The following PGM2L1 variants were observed in gnomAD, a reference collection of about 807,000 sequenced individuals.
PGM2L1 encodes the protein glucose 1,6-bisphosphate synthase.
Under a neutral mutation model 73.4 loss-of-function variants are expected in PGM2L1, and 35 were observed. The ratio of observed to expected loss-of-function variants is 0.48; its 90% CI spans 0.36 to 0.63. The LOEUF (loss-of-function observed/expected upper bound fraction) is 0.63, where lower values mean the gene tolerates loss of function less well. Among genes scored for constraint, PGM2L1 ranks in the 30% least tolerant of loss-of-function variants. The pLI, the probability that PGM2L1 is intolerant of heterozygous loss-of-function variation, is 0.00. For synonymous variants in PGM2L1, 225 were observed against 253.8 expected, an observed-to-expected ratio of 0.89 and a Z score of 1.08; for missense variants, 570 against 742.0, an observed-to-expected ratio of 0.77 and a Z score of 2.69.
chr11:74,332,826 G>C lies in PGM2L1; in HGVS notation c.*3826C>G, dbSNP rs1352909180. On this transcript the variant is annotated 3_prime_UTR_variant, in exon 14 of 14. Transcript: ENST00000298198. ...TCTTAGAACCTCTCCATCTGCTAAC[G>C]TATCTACATCAAAATAACAACATAT... The C allele has an allele frequency of 1.3e-5, 2 of 152,498 alleles. No individual in the cohort carries two copies. Among genetic ancestry groups the C allele is most frequent in the East Asian group, 3.9e-4 (2 of 5,182 alleles). The allele number at this position is 152,498 out of a possible 1,614,324, so 9.4% of individuals were successfully genotyped here.
intron 1 of PGM2L1, among the ~76,000 whole-genome samples, chr11:74,377,271 C>T (rs1862870030): frequency 6.6e-6 from 1 of 151,872 alleles, no homozygotes. Context: ...AGTAGCTGGA[C>T]TACAGGCGCC....
intron 1 of PGM2L1, among the ~76,000 whole-genome samples, chr11:74,391,896 C>T (rs1206846988): frequency 1.3e-5 from 2 of 152,112 alleles, no homozygotes; most frequent in Admixed American, 6.5e-5. Flanking sequence ...AATAGAATGG[C>T]CAGTTGGAAG....
intron 5 of PGM2L1, among the ~76,000 whole-genome samples, chr11:74,367,784 A>G (rs1862683964): frequency 6.6e-6 from 1 of 152,204 alleles, no homozygotes; most frequent in South Asian, 2.1e-4. Context: ...TATGTCCCAA[A>G]CTGAATTAAT....
chr11:74,360,027 A>G (rs11236071), intron 5 of PGM2L1, among the ~76,000 whole-genome samples: 24,301 of 151,984 alleles, frequency 0.16, 2,168 homozygotes, highest in East Asian at 0.28. Context: ...AACTCATCAT[A>G]AAGAAACTAG....
At chr11:74,345,219 AC>A (rs1862243802) in intron 9 of PGM2L1, among the ~76,000 whole-genome samples, 2 of 152,204 alleles carry the variant, frequency 1.3e-5, no homozygotes, top group African/African-American at 4.8e-5. Flanking sequence ...TATTTGTTGT[AC>A]AGAATAATAA....
chr11:74,388,177 A>T (rs565121710), intron 1 of PGM2L1, among the ~76,000 whole-genome samples: 62 of 152,318 alleles, frequency 4.1e-4, no homozygotes, highest in African/African-American at 1.4e-3. Flanking sequence ...AGAGTTGCTA[A>T]GCAAGAGGCA....
At position 74,381,833 on chromosome 11, in the gene PGM2L1, A is replaced by G. The variant is rs558615837; in HGVS notation, c.112-7251T>C. On this transcript the variant is annotated intron_variant, in intron 1 of 13. Transcript: ENST00000298198. The stretch of plus-strand genomic sequence containing the variant: ...TGAGGAACAAGTTGGGAGTAGAGAG[A>G]TAATGAGTTCAGTATTAGACTTACT... Among the ~76,000 whole-genome samples, 4 of 152,008 alleles carry G rather than the reference A, an allele frequency of 2.6e-5. No individual in the cohort carries two copies. The East Asian group carries it at 5.8e-4, about 22-fold the overall frequency.
At chr11:74,359,457 T>C (rs1199095224) in intron 5 of PGM2L1, among the ~76,000 whole-genome samples, 1 of 151,882 alleles carries the variant, frequency 6.6e-6, no homozygotes, top group African/African-American at 2.4e-5. Context: ...ACATACATAT[T>C]TTTTTCTTAA....
At chr11:74,396,293 A>T (rs1212017261) in intron 1 of PGM2L1, among the ~76,000 whole-genome samples, 1 of 150,188 alleles carries the variant, frequency 6.7e-6, no homozygotes, top group Admixed American at 6.7e-5. Flanking sequence ...ATCAATCAGG[A>T]GACTCATTAG....
At chr11:74,371,047 C>A in intron 3 of PGM2L1, 61 bp from the exon 4 acceptor site, 1 of 1,257,414 alleles carries the variant, frequency 8.0e-7, no homozygotes, top group Non-Finnish European at 1.1e-6. Context: ...AACCAACCTT[C>A]CACATAAATG....
intron 1 of PGM2L1, among the ~76,000 whole-genome samples, chr11:74,392,693 C>G (rs1863120498): frequency 1.3e-5 from 2 of 152,124 alleles, no homozygotes; most frequent in African/African-American, 4.8e-5. Flanking sequence ...AGGTGCCCGC[C>G]ACCTCGCCCG....
chr11:74,391,311 TTACTATTTA>T (rs1863098814), intron 1 of PGM2L1, among the ~76,000 whole-genome samples: 2 of 152,110 alleles, frequency 1.3e-5, no homozygotes, highest in African/African-American at 4.8e-5. Context: ...TTCCAGCTTT[TTACTATTTA>T]TGGCATAGAT....
At chr11:74,398,004 C>T in intron 1 of PGM2L1, 47 bp downstream of exon 1, 2 of 1,548,676 alleles carry the variant, frequency 1.3e-6, no homozygotes, top group Non-Finnish European at 1.7e-6. Flanking sequence ...AAAGAGCAGA[C>T]TGTGTGGGGG....
At chr11:74,359,038 A>G (rs947033072) in intron 5 of PGM2L1, among the ~76,000 whole-genome samples, 6 of 152,242 alleles carry the variant, frequency 3.9e-5, no homozygotes, top group Non-Finnish European at 8.8e-5. Flanking sequence ...TAAAAAATAC[A>G]TAGATGAAAT....
At chr11:74,367,396 A>G (rs1421671114) in intron 5 of PGM2L1, among the ~76,000 whole-genome samples, 1 of 152,020 alleles carries the variant, frequency 6.6e-6, no homozygotes, top group African/African-American at 2.4e-5. Flanking sequence ...AATCTCGTTT[A>G]GTCTTTCAAA....
chr11:74,380,485 C>G (rs909254171), intron 1 of PGM2L1, among the ~76,000 whole-genome samples: 12 of 151,890 alleles, frequency 7.9e-5, no homozygotes, highest in Non-Finnish European at 1.5e-4. Context: ...ATATACTCAT[C>G]ATATAAAATG....
At chr11:74,347,871 C>T (rs1167700055) in intron 6 of PGM2L1, among the ~76,000 whole-genome samples, 2 of 152,180 alleles carry the variant, frequency 1.3e-5, no homozygotes, top group Admixed American at 6.5e-5. Flanking sequence ...GATTGAACAG[C>T]TTCACTCTGA....
chr11:74,353,893 C>G lies in PGM2L1; in HGVS notation c.556-2317G>C, dbSNP rs951265969. On this transcript the variant is annotated intron_variant, in intron 5 of 13. Transcript: ENST00000298198. ...TGGCTGCCGGGCGGGGGCTGAAAAC[C>G]CAGAATGTTTAAAACAAACAAAACT... 2.1e-4 allele frequency among the ~76,000 whole-genome samples: 15 copies of G among 72,748 alleles called. 2 individuals carry two copies. The highest frequency in any genetic ancestry group is 1.8e-3 in the Admixed American group (14 of 7,740). The allele number at this position is 72,748 out of a possible 152,430, so 47.7% of individuals were successfully genotyped here. A position where few individuals can be genotyped will look rare whatever the true frequency, so the allele number is the denominator to read the frequency against.
chr11:74,345,822 C>T (rs991901451), intron 8 of PGM2L1, among the ~76,000 whole-genome samples, 173 bp from the exon 9 acceptor site: 9 of 152,098 alleles, frequency 5.9e-5, no homozygotes, highest in South Asian at 2.1e-4. Context: ...GGTGATTTTA[C>T]GGTAGGAATG....
Sources: gnomAD v4.1 joint callset for allele counts (sites outside exome capture counted in the v4.1 genomes callset) on GRCh38, gnomAD v4.1.1 for gene constraint, MANE v1.5 for transcripts, NCBI Gene and HGNC (gene_info 2026-07-23, HGNC 2026-07-21) for gene names.